The following LONRF2 variants were observed in gnomAD, a reference collection of about 807,000 sequenced individuals.
LONRF2 encodes LON peptidase N-terminal domain and ring finger 2, also known as LON peptidase N-terminal domain and RING finger protein 2.
LONRF2 carries 35 observed loss-of-function variants against 66.6 expected under a neutral mutation model. That is an observed-to-expected ratio of 0.53 (90% CI 0.40 to 0.70). LONRF2 has a LOEUF of 0.70. Ranked by LOEUF, LONRF2 falls within the 30% of genes least tolerant of loss-of-function variation. LONRF2 has a pLI of 0.00. For synonymous variants in LONRF2, 417 were observed against 418.1 expected (o/e 1.00, Z 0.03); for missense variants, 902 against 1,002.1 (o/e 0.90, Z 1.35).
intron 11 of LONRF2, among the ~76,000 whole-genome samples, chr2:100,285,096 G>T (rs1196468715): frequency 1.3e-5 from 2 of 152,208 alleles, no homozygotes; most frequent in African/African-American, 4.8e-5. Flanking sequence ...TCATAAACTC[G>T]TTCTCAATAT....
Position 100,300,834 on chromosome 2 carries a change from T to C in LONRF2, c.922-47A>G, listed in dbSNP as rs773119447. 26 of 1,436,910 alleles carry C rather than the reference T, an allele frequency of 1.8e-5. No individual in the cohort carries two copies. Among genetic ancestry groups the C allele is most frequent in the Admixed American group, 1.0e-4 (4 of 39,066 alleles). The allele number at this position is 1,436,910 out of a possible 1,614,324, so 89.0% of individuals were successfully genotyped here. On this transcript the variant is annotated intron_variant, in intron 3 of 11. Transcript: ENST00000393437. Reference sequence around the variant, plus strand: ...AAAAAATATATATTTTAAAACACTTTTGTAAAAATATAGTATGTCTTATAG... The same window carrying C: ...AAAAAATATATATTTTAAAACACTTCTGTAAAAATATAGTATGTCTTATAG...
intron 1 of LONRF2, 53 bp downstream of exon 1, chr2:100,321,362 C>T: frequency 7.4e-7 from 1 of 1,351,954 alleles, no homozygotes. Flanking sequence ...CCCCACCCCG[C>T]TGCTGGGCCG....
At chr2:100,285,323 G>C (rs529263418) in intron 11 of LONRF2, among the ~76,000 whole-genome samples, 2 of 152,310 alleles carry the variant, frequency 1.3e-5, no homozygotes, top group South Asian at 4.1e-4. Context: ...CTGTGAGGAA[G>C]ACATCAACCT....
In LONRF2 at chr2:100,281,734, G is replaced by C. The variant is rs1419133281; in HGVS notation, c.*2564C>G. 1 of 152,134 alleles carries C rather than the reference G, an allele frequency of 6.6e-6. No homozygotes were observed. The highest frequency in any genetic ancestry group is 1.9e-4 in the East Asian group (1 of 5,202). 9.4% of individuals were successfully genotyped at this position (152,134 alleles called of 1,614,324 possible). The stretch of plus-strand genomic sequence containing the variant: ...GAGCACTTTCAGTACAATTAAGCTG[G>C]AATGTCCTGACATTGAATGAGAGAT... On this transcript the variant is annotated 3_prime_UTR_variant, in exon 12 of 12. Transcript: ENST00000393437.
In LONRF2 at chr2:100,322,076, G is replaced by T. The variant is rs747473489; in HGVS notation, c.18C>A (p.Val6=). MSPEP[V]PPPPPPQCPG... is the part of the protein sequence containing the mutation. ...GACACTGGGGCGGCGGCGGCGGCGG[G>T]ACCGGCTCGGGGCTCATCACCGCGG... Residue 6 remains valine (V), a synonymous_variant, in exon 1 of 12, where the codon GTC becomes GTA. Transcript: ENST00000393437. The T allele has an allele frequency of 3.1e-6, 4 of 1,302,370 alleles. No individual in the cohort carries two copies. Among genetic ancestry groups the T allele is most frequent in the South Asian group, 4.3e-5 (2 of 46,824 alleles). The allele number at this position is 1,302,370 out of a possible 1,614,324, so 80.7% of individuals were successfully genotyped here. A position where few individuals can be genotyped will look rare whatever the true frequency, so the allele number is the denominator to read the frequency against.
In LONRF2 at chr2:100,284,226, G is replaced by A; in HGVS notation, c.*72C>T. ...AAGCACTTGATGAAGCACAATGAAT[G>A]GACGGCTATTCGTCCATGCCTGACA... On this transcript the variant is annotated 3_prime_UTR_variant, in exon 12 of 12. Transcript: ENST00000393437. The A allele has an allele frequency of 7.4e-7, 1 of 1,351,430 alleles. No homozygotes were observed. 83.7% of individuals were successfully genotyped at this position (1,351,430 alleles called of 1,614,324 possible). A position where few individuals can be genotyped will look rare whatever the true frequency, so the allele number is the denominator to read the frequency against.
rs973787391 is a variant in LONRF2, at chr2:100,276,996, G to A, written c.*7302C>T. The A allele has an allele frequency of 1.3e-5, 2 of 152,222 alleles. No homozygotes were observed. Among genetic ancestry groups the A allele is most frequent in the Non-Finnish European group, 2.9e-5 (2 of 68,050 alleles). The allele number at this position is 152,222 out of a possible 1,614,324, so 9.4% of individuals were successfully genotyped here. A position where few individuals can be genotyped will look rare whatever the true frequency, so the allele number is the denominator to read the frequency against. Reference sequence around the variant, plus strand: ...TGTCACACTCATTAAGGACATACAAGTCCAACATCTTTAGATACTTTCGAG... The same window carrying A: ...TGTCACACTCATTAAGGACATACAAATCCAACATCTTTAGATACTTTCGAG... On this transcript the variant is annotated 3_prime_UTR_variant, in exon 12 of 12. Transcript: ENST00000393437.
chr2:100,294,567 C>T (rs182167446), intron 8 of LONRF2, among the ~76,000 whole-genome samples, 180 bp from the exon 9 acceptor site: 1 of 152,290 alleles, frequency 6.6e-6, no homozygotes, highest in East Asian at 1.9e-4. Flanking sequence ...TCTGCTCACC[C>T]AGGTTTCCTG....
In LONRF2 at chr2:100,298,899, T is replaced by A. The variant is rs1675123563; in HGVS notation, c.1413A>T (p.Lys471Asn). 6.2e-7 allele frequency: 1 copy of A among 1,614,144 alleles called. No individual in the cohort carries two copies. Among genetic ancestry groups the A allele is most frequent in the Non-Finnish European group, 8.5e-7 (1 of 1,180,008 alleles). ...TTPCGHTFCL[K>N]CLERCLDHAP... ...CGTGGTCAAGGCAGCGCTCAAGGCA[T>A]TTTAGGCAAAATGTGTGTCCACAGG... Residue 471 changes from lysine to asparagine, a missense_variant, in exon 7 of 12, where the codon AAA becomes AAT. Physicochemically the swap from Lys to Asn is moderately conservative, Grantham distance 94 (BLOSUM62 0). This residue lies in a region of LONRF2 where 317 missense variants were observed against 432.2 expected (regional missense o/e 0.73). Coordinates refer to ENST00000393437, the MANE Select transcript of LONRF2 (RefSeq NM_198461.4).
intron 7 of LONRF2, 43 bp downstream of exon 7, chr2:100,298,793 A>T (rs111245988): frequency 7.0e-7 from 1 of 1,431,920 alleles, no homozygotes; most frequent in Non-Finnish European, 9.9e-7. Context: ...CCACCAAGGG[A>T]TGAGAGGAGG....
chr2:100,297,614 A>G (rs1292480731), intron 7 of LONRF2, among the ~76,000 whole-genome samples: 1 of 152,208 alleles, frequency 6.6e-6, no homozygotes, highest in African/African-American at 2.4e-5. Flanking sequence ...CACCAAAACA[A>G]GAGGCAGTGG....
At position 100,279,332 on chromosome 2, in the gene LONRF2, C is replaced by CG. The variant is rs1553539311; in HGVS notation, c.*4965dup. On this transcript the variant is annotated 3_prime_UTR_variant, in exon 12 of 12. Transcript: ENST00000393437. The stretch of plus-strand genomic sequence containing the variant: ...CAAGAAATGTTAGAGACCCCCCCCC[C>CG]GCAAACTGCAGAACTACATTCTTGA... The CG allele has an allele frequency of 1.4e-5, 2 of 143,574 alleles. No homozygotes were observed. Among genetic ancestry groups the CG allele is most frequent in the Non-Finnish European group, 3.1e-5 (2 of 65,364 alleles). The allele number at this position is 143,574 out of a possible 1,614,324, so 8.9% of individuals were successfully genotyped here. A position where few individuals can be genotyped will look rare whatever the true frequency, so the allele number is the denominator to read the frequency against.
At position 100,298,829 on chromosome 2, in the gene LONRF2, T is replaced by C. The variant is rs764693719; in HGVS notation, c.1476+7A>G. 5.0e-6 allele frequency: 8 copies of C among 1,606,482 alleles called. No homozygotes were observed. Among genetic ancestry groups the C allele is most frequent in the Non-Finnish European group, 6.8e-6 (8 of 1,173,054 alleles). ...AGCTGTCCCGTCATTTCCTAAAGTG[T>C]ACTTACTTCCGAAAGTTTGTCTTTG... On this transcript the variant is annotated splice_region_variant and intron_variant, in intron 7 of 11. Coordinates refer to ENST00000393437, the MANE Select transcript of LONRF2 (RefSeq NM_198461.4).
intron 8 of LONRF2, 30 bp from the exon 9 acceptor site, chr2:100,294,417 A>AT (rs1437578287): frequency 6.6e-7 from 1 of 1,523,192 alleles, no homozygotes; most frequent in Non-Finnish European, 8.8e-7. Context: ...GTTATCTCAG[A>AT]TGTATGAGCT....
chr2:100,301,988 C>A (rs979589008), intron 3 of LONRF2, among the ~76,000 whole-genome samples: 1 of 152,166 alleles, frequency 6.6e-6, no homozygotes, highest in Non-Finnish European at 1.5e-5. Flanking sequence ...TAACGCCAAT[C>A]AATTGCACAA....
chr2:100,289,659 ATC>A (rs1674918186), intron 10 of LONRF2, among the ~76,000 whole-genome samples: 2 of 151,982 alleles, frequency 1.3e-5, no homozygotes, highest in Non-Finnish European at 2.9e-5. Flanking sequence ...GATGGTCTCA[ATC>A]TCCTGACCTC....
rs775136867 is a variant in LONRF2 at position 100,321,946 on chromosome 2, G to C, written c.148C>G (p.Leu50Val). 2 of 1,450,716 alleles carry C rather than the reference G, an allele frequency of 1.4e-6. No homozygotes were observed. The highest frequency in any genetic ancestry group is 2.3e-5 in the Admixed American group (1 of 43,990). The allele number at this position is 1,450,716 out of a possible 1,614,324, so 89.9% of individuals were successfully genotyped here. Residue 50 changes from leucine (L) to valine (V), a missense_variant, in exon 1 of 12, where the codon CTA becomes GTA. Coordinates refer to ENST00000393437, the MANE Select transcript of LONRF2 (RefSeq NM_198461.4). ...CGGTCCGGCTGCGCCAGCCCGGCTA[G>C]CATGGAGCGAAAGAGCTCGGCTGCC... ...EMAAELFRSM[L>V]AGLAQPDRGL...
At chr2:100,302,875 C>G in intron 3 of LONRF2, 46 bp downstream of exon 3, 1 of 1,501,146 alleles carries the variant, frequency 6.7e-7, no homozygotes, top group Non-Finnish European at 8.9e-7. Flanking sequence ...GACATGAAGG[C>G]TATAAATAAG....
rs1674683612 is a variant in LONRF2, at chr2:100,280,068, C to T, written c.*4230G>A. 1 of 152,190 alleles carries T rather than the reference C, an allele frequency of 6.6e-6. No individual in the cohort carries two copies. Among genetic ancestry groups the T allele is most frequent in the Non-Finnish European group, 1.5e-5 (1 of 68,042 alleles). The allele number at this position is 152,190 out of a possible 1,614,324, so 9.4% of individuals were successfully genotyped here. A position where few individuals can be genotyped will look rare whatever the true frequency, so the allele number is the denominator to read the frequency against. On this transcript the variant is annotated 3_prime_UTR_variant, in exon 12 of 12. Coordinates refer to ENST00000393437, the MANE Select transcript of LONRF2 (RefSeq NM_198461.4). The stretch of plus-strand genomic sequence containing the variant: ...CCTGGGTGCAAATTCGAGTTTATGT[C>T]CCCAACTTGGGGGAGTGCAATGGTG...
Sources: allele counts gnomAD v4.1 joint callset (sites outside exome capture counted in the v4.1 genomes callset), GRCh38; gene constraint gnomAD v4.1.1; regional missense constraint gnomAD v4.1.1; transcripts MANE v1.5; gene names NCBI Gene and HGNC (gene_info 2026-07-23, HGNC 2026-07-21).